The following TSNAXIP1 variants were observed in gnomAD, a reference collection of about 807,000 sequenced individuals.
TSNAXIP1 encodes translin associated factor X interacting protein 1.
In TSNAXIP1, 89 loss-of-function variants were observed where a neutral mutation model predicts 84.8. The observed-to-expected ratio is 1.05, with a 90% CI of 0.88 to 1.25. TSNAXIP1 has a LOEUF of 1.25. Ranked by LOEUF, TSNAXIP1 falls within the 50% of genes most tolerant of loss-of-function variation. The probability of loss-of-function intolerance (pLI) is 0.00; values close to 1 mark genes in which losing one functional copy is unlikely to be tolerated. For synonymous variants in TSNAXIP1, 347 were observed against 335.2 expected, an observed-to-expected ratio of 1.04 and a Z score of -0.39; for missense variants, 874 against 887.6, an observed-to-expected ratio of 0.98 and a Z score of 0.20.
In TSNAXIP1 at chr16:67,815,994, G is replaced by A. The variant is rs1441395841; in HGVS notation, c.147+1593G>A. ...TTTTTTTTTTTTTTTTTTTTGAGAC[G>A]GAATCTCGCTGTCGCCCAGGCTGGA... On this transcript the variant is annotated intron_variant, in intron 2 of 15. Coordinates refer to ENST00000561639, the MANE Select transcript of TSNAXIP1 (RefSeq NM_001288990.3). Among the ~76,000 whole-genome samples, 3 of 125,690 alleles carry A rather than the reference G, an allele frequency of 2.4e-5. No individual in the cohort carries two copies. In the South Asian group the frequency reaches 7.3e-4, roughly 30 times the overall value. 82.5% of individuals were successfully genotyped at this position (125,690 alleles called of 152,430 possible).
intron 4 of TSNAXIP1, among the ~76,000 whole-genome samples, chr16:67,823,098 C>A (rs2151250321): frequency 6.6e-6 from 1 of 152,308 alleles, no homozygotes; most frequent in East Asian, 1.9e-4. Context: ...TCATGGCAGT[C>A]CACTAGGCCT....
chr16:67,823,948 G>A (rs779002549), intron 5 of TSNAXIP1, among the ~76,000 whole-genome samples: 3 of 150,542 alleles, frequency 2.0e-5, no homozygotes, highest in Non-Finnish European at 4.4e-5. Flanking sequence ...GAACCTAGGA[G>A]GTGGAGGTTG....
At chr16:67,817,469 C>T (rs1462203132) in intron 2 of TSNAXIP1, among the ~76,000 whole-genome samples, 1 of 125,642 alleles carries the variant, frequency 8.0e-6, no homozygotes, top group African/African-American at 3.0e-5. Context: ...TTAGTAGAGA[C>T]GAGGGTTTCA....
rs376792480 is a variant in TSNAXIP1, at chr16:67,825,809, G to T, written c.957G>T (p.Glu319Asp). Reference protein sequence around the residue: ...VVPRRDFEMQEKTNKDLQEQL... With the variant: ...VVPRRDFEMQDKTNKDLQEQL... The stretch of plus-strand genomic sequence containing the variant: ...CCAGGAGGGACTTTGAAATGCAGGA[G>T]AAGACCAACAAGGATCTTCAGGAGC... The change falls in exon 8 of 16, where the codon GAG becomes GAT. Residue 319 changes from glutamate to aspartate, a missense_variant. Coordinates refer to ENST00000561639, the MANE Select transcript of TSNAXIP1 (RefSeq NM_001288990.3). 11 of 1,614,060 alleles carry T rather than the reference G, an allele frequency of 6.8e-6. No individual in the cohort carries two copies. The highest frequency in any genetic ancestry group is 8.5e-6 in the Non-Finnish European group (10 of 1,180,030).
chr16:67,826,992 G>A lies in TSNAXIP1; in HGVS notation c.1584G>A (p.Lys528=), dbSNP rs1376054077. 2 of 1,614,172 alleles carry A rather than the reference G, an allele frequency of 1.2e-6. No individual in the cohort carries two copies. The highest frequency in any genetic ancestry group is 1.7e-6 in the Non-Finnish European group (2 of 1,180,034). ...GTGAGAATGTGTATGTCACCCAGAA[G>A]GAGACAGTAGCCCAGCTGCTGAAGG... is the stretch of plus-strand genomic sequence containing the variant. The part of the protein sequence containing the change: ...KRSENVYVTQ[K]ETVAQLLKEM... Residue 528 remains lysine, a synonymous_variant, in exon 13 of 16, where the codon AAG becomes AAA. Coordinates refer to ENST00000561639, the MANE Select transcript of TSNAXIP1 (RefSeq NM_001288990.3).
At chr16:67,824,114 G>A (rs1041945672) in intron 5 of TSNAXIP1, among the ~76,000 whole-genome samples, 3 of 151,812 alleles carry the variant, frequency 2.0e-5, no homozygotes, top group African/African-American at 7.3e-5. Context: ...CTCCACAGCA[G>A]GGCTGGGGCA....
chr16:67,825,879 C>G, intron 8 of TSNAXIP1, 38 bp from the exon 9 acceptor site: 1 of 1,613,980 alleles, frequency 6.2e-7, no homozygotes, highest in Non-Finnish European at 8.5e-7. Context: ...GACGGGGTCT[C>G]ACAGGTGGGG....
rs2055509972 is a variant in TSNAXIP1 at position 67,807,159 on chromosome 16, C to T, written c.10C>T (p.Gln4Ter). The change falls in exon 1 of 16, where the codon CAG becomes TAG. Residue 4 changes from glutamine to a stop codon, truncating the protein, a stop_gained. Transcript: ENST00000561639. LOFTEE classifies it high-confidence loss of function. Reference sequence around the variant, plus strand: ...CGCCTGCCCGTGGGTCATGGCCTGCCAGCAGTCGCGGTACCACAGCTTCTC... The same window carrying T: ...CGCCTGCCCGTGGGTCATGGCCTGCTAGCAGTCGCGGTACCACAGCTTCTC... The part of the protein sequence containing the change: MAC[Q>*]QSRYHSFSSA... 6.5e-7 allele frequency: 1 copy of T among 1,535,752 alleles called. No individual in the cohort carries two copies. Among genetic ancestry groups the T allele is most frequent in the Non-Finnish European group, 8.7e-7 (1 of 1,146,876 alleles).
rs202129606 is a variant in TSNAXIP1, at chr16:67,825,798, G to C, written c.946G>C (p.Glu316Gln). ...AGATGTGGTCCCCAGGAGGGACTTT[G>C]AAATGCAGGAGAAGACCAACAAGGA... ...FGDVVPRRDF[E>Q]MQEKTNKDLQ... The change falls in exon 8 of 16, where the codon GAA becomes CAA. Residue 316 changes from glutamate (E) to glutamine (Q), a missense_variant. Glu to Gln is a conservative substitution (Grantham distance 29). Transcript: ENST00000561639. The C allele has an allele frequency of 8.7e-6, 14 of 1,614,176 alleles. No individual in the cohort carries two copies. In the East Asian group the frequency reaches 1.3e-4, roughly 15 times the overall value.
Position 67,814,411 on chromosome 16 carries a change from A to C in TSNAXIP1, c.147+10A>C, listed in dbSNP as rs1187302442. ...GAAACGAAGGACGCTGGTTAGTGACAATGTTGTTTTGGAACCCCAAATGTC... is the reference window on the plus strand; with the variant it reads ...GAAACGAAGGACGCTGGTTAGTGACCATGTTGTTTTGGAACCCCAAATGTC... On this transcript the variant is annotated intron_variant, in intron 2 of 15. Coordinates refer to ENST00000561639, the MANE Select transcript of TSNAXIP1 (RefSeq NM_001288990.3). 6.5e-7 allele frequency: 1 copy of C among 1,534,912 alleles called. No homozygotes were observed. The highest frequency in any genetic ancestry group is 1.2e-5 in the South Asian group (1 of 84,042).
rs750698321 is a variant in TSNAXIP1, at chr16:67,827,578, CTG to C, written c.1898+2_1898+3del. ...GCTAAAGCAGGAGCTTGGCATAGAA[CTG>C]TGAGTGACCCTCATCCATAGGCGAG... On this transcript the variant is annotated splice_donor_variant and coding_sequence_variant, in exon 15 of 16. Transcript: ENST00000561639. LOFTEE classifies it high-confidence loss of function. The C allele has an allele frequency of 9.3e-6, 15 of 1,614,160 alleles. No individual in the cohort carries two copies. The highest frequency in any genetic ancestry group is 1.3e-5 in the Non-Finnish European group (15 of 1,179,994).
intron 2 of TSNAXIP1, among the ~76,000 whole-genome samples, chr16:67,816,394 G>A (rs1005997513): frequency 2.6e-5 from 4 of 152,090 alleles, no homozygotes; most frequent in Admixed American, 6.5e-5. Flanking sequence ...TTACAACTCT[G>A]GCTCACAGTG....
intron 2 of TSNAXIP1, among the ~76,000 whole-genome samples, chr16:67,815,354 T>G (rs1424813161): frequency 6.6e-6 from 1 of 151,876 alleles, no homozygotes; most frequent in Non-Finnish European, 1.5e-5. Context: ...ATCTTTTTTT[T>G]TGAGACAGGC....
At chr16:67,817,990 C>G (rs1307471329) in intron 2 of TSNAXIP1, among the ~76,000 whole-genome samples, 1 of 152,030 alleles carries the variant, frequency 6.6e-6, no homozygotes, top group Non-Finnish European at 1.5e-5. Flanking sequence ...GTGGGCAGAT[C>G]ACTAGGTCAG....
chr16:67,818,730 GTCTC>G (rs1229826194), intron 2 of TSNAXIP1, among the ~76,000 whole-genome samples: 1 of 147,854 alleles, frequency 6.8e-6, no homozygotes, highest in Non-Finnish European at 1.5e-5. Context: ...TTGAGACAGA[GTCTC>G]TCTCTGTCGC....
At position 67,827,505 on chromosome 16, in the gene TSNAXIP1, A is replaced by G. The variant is rs1340872431; in HGVS notation, c.1824A>G (p.Gln608=). The part of the protein sequence containing the change: ...DEEGQSEPFV[Q]KLWEQYMDEK... ...AGGGCCAGAGTGAGCCCTTTGTGCA[A>G]AAACTCTGGGAACAATACATGGATG... Residue 608 remains glutamine (Q), a synonymous_variant, in exon 15 of 16, where the codon CAA becomes CAG. Coordinates refer to ENST00000561639, the MANE Select transcript of TSNAXIP1 (RefSeq NM_001288990.3). The G allele has an allele frequency of 6.2e-7, 1 of 1,614,088 alleles. No individual in the cohort carries two copies. The highest frequency in any genetic ancestry group is 2.2e-5 in the East Asian group (1 of 44,896).
rs1338913987 is a variant in TSNAXIP1, at chr16:67,827,378, G to A, written c.1791+3G>A. 6.2e-7 allele frequency: 1 copy of A among 1,614,082 alleles called. No homozygotes were observed. The highest frequency in any genetic ancestry group is 1.3e-5 in the African/African-American group (1 of 74,942). ...ACTACCGCTCACTGTTTATGGAGGT[G>A]GGTGTGTGGGGTCCGGGGACTGGCC... On this transcript the variant is annotated splice_donor_region_variant and intron_variant, in intron 14 of 15. Coordinates refer to ENST00000561639, the MANE Select transcript of TSNAXIP1 (RefSeq NM_001288990.3).
Position 67,827,366 on chromosome 16 carries a change from G to A in TSNAXIP1, c.1782G>A (p.Leu594=), listed in dbSNP as rs780854696. Residue 594 remains leucine, a synonymous_variant, in exon 14 of 16, where the codon CTG becomes CTA. Transcript: ENST00000561639. ...SNADLLNYRS[L]FMEDEEGQSE... is the part of the protein sequence containing the mutation. ...CAGACTTGCTCAACTACCGCTCACTGTTTATGGAGGTGGGTGTGTGGGGTC... is the reference window on the plus strand; with the variant it reads ...CAGACTTGCTCAACTACCGCTCACTATTTATGGAGGTGGGTGTGTGGGGTC... The A allele has an allele frequency of 1.2e-6, 2 of 1,614,210 alleles. No individual in the cohort carries two copies. Among genetic ancestry groups the A allele is most frequent in the Non-Finnish European group, 8.5e-7 (1 of 1,180,040 alleles).
chr16:67,825,762 G>C lies in TSNAXIP1; in HGVS notation c.910G>C (p.Ala304Pro), dbSNP rs1398009336. Reference sequence around the variant, plus strand: ...GCAGATGGAACTCAACAACATGAAGGCCAACTTTGGAGATGTGGTCCCCAG... The same window carrying C: ...GCAGATGGAACTCAACAACATGAAGCCCAACTTTGGAGATGTGGTCCCCAG... ...RTQMELNNMK[A>P]NFGDVVPRRD... The change falls in exon 8 of 16, where the codon GCC becomes CCC. Residue 304 changes from alanine (A) to proline (P), a missense_variant. Transcript: ENST00000561639. 5 of 1,614,194 alleles carry C rather than the reference G, an allele frequency of 3.1e-6. No individual in the cohort carries two copies. In the Admixed American group the frequency reaches 6.7e-5, roughly 22 times the overall value.
Sources: gnomAD v4.1 joint callset for allele counts (sites outside exome capture counted in the v4.1 genomes callset) on GRCh38, gnomAD v4.1.1 for gene constraint, MANE v1.5 for transcripts, NCBI Gene and HGNC (gene_info 2026-07-23, HGNC 2026-07-21) for gene names.